The following GALNT13 variants were observed in gnomAD, a reference collection of about 807,000 sequenced individuals.
GALNT13 encodes the protein UDP-GalNAc:polypeptide N-acetylgalactosaminyltransferase 13.
A neutral mutation model predicts 64.2 loss-of-function variants in GALNT13; 28 were observed. The ratio of observed to expected loss-of-function variants is 0.44; its 90% CI spans 0.32 to 0.60. GALNT13 has a LOEUF of 0.60. Ranked by LOEUF, GALNT13 falls within the 20% of genes least tolerant of loss-of-function variation. The pLI is 0.05. For synonymous variants in GALNT13, 214 were observed against 224.6 expected (o/e 0.95, Z 0.42); for missense variants, 577 against 669.8 (o/e 0.86, Z 1.53).
chr2:153,937,373 G>C (rs1349179139), intron 2 of GALNT13, among the ~76,000 whole-genome samples: 1 of 152,120 alleles, frequency 6.6e-6, no homozygotes, highest in East Asian at 1.9e-4. Flanking sequence ...AATGAGAGAA[G>C]ACAGTCATGA....
At chr2:153,968,932 T>C (rs1168440168) in intron 3 of GALNT13, among the ~76,000 whole-genome samples, 3 of 148,522 alleles carry the variant, frequency 2.0e-5, no homozygotes, top group Non-Finnish European at 4.5e-5. Context: ...TAAATTACTT[T>C]AAAATCAGAA....
At position 154,396,171 on chromosome 2, in the gene GALNT13, G is replaced by C. The variant is rs772697796; in HGVS notation, c.1296+41G>C. The stretch of plus-strand genomic sequence containing the variant: ...TTTGGTTAAGTTATAAATATATTTT[G>C]CAAATGGAGCAATTTCTAAGGAGCT... On this transcript the variant is annotated intron_variant, in intron 10 of 12. Coordinates refer to ENST00000392825, the MANE Select transcript of GALNT13 (RefSeq NM_052917.4). 15 of 1,394,938 alleles carry C rather than the reference G, an allele frequency of 1.1e-5. No individual in the cohort carries two copies. The East Asian group carries it at 3.2e-4, about 30-fold the overall frequency. 86.4% of individuals were successfully genotyped at this position (1,394,938 alleles called of 1,614,324 possible).
the GALNT13 span, among the ~76,000 whole-genome samples, chr2:153,325,559 T>C: frequency 6.6e-6 from 1 of 152,192 alleles, no homozygotes; most frequent in East Asian, 1.9e-4. Context: ...CGTTTGCACT[T>C]GCTTTTGTGG....
rs188222874 is a variant in GALNT13 at position 154,153,260 on chromosome 2, G to A, written c.311+12755G>A. Reference sequence around the variant, plus strand: ...GCAGAACAGTGGATTTTCATGAACCGCGAATGCTGCTGTCTGATCATTCCT... The same window carrying A: ...GCAGAACAGTGGATTTTCATGAACCACGAATGCTGCTGTCTGATCATTCCT... On this transcript the variant is annotated intron_variant, in intron 4 of 12. Coordinates refer to ENST00000392825, the MANE Select transcript of GALNT13 (RefSeq NM_052917.4). Among the ~76,000 whole-genome samples, 738 of 151,908 alleles carry A rather than the reference G, an allele frequency of 4.9e-3. 6 individuals carry two copies. Among genetic ancestry groups the A allele is most frequent in the African/African-American group, 0.016 (682 of 41,378 alleles).
chr2:153,296,851 A>G, the GALNT13 span, among the ~76,000 whole-genome samples: 2 of 152,184 alleles, frequency 1.3e-5, no homozygotes, highest in Non-Finnish European at 2.9e-5. Flanking sequence ...TTTTTCTTTA[A>G]AAAAAATTCC....
chr2:153,446,082 A>C, the GALNT13 span, among the ~76,000 whole-genome samples: 1 of 152,202 alleles, frequency 6.6e-6, no homozygotes, highest in Non-Finnish European at 1.5e-5. Flanking sequence ...GTCTATATTA[A>C]AAAAGAATTA....
intron 3 of GALNT13, among the ~76,000 whole-genome samples, chr2:153,999,099 C>G (rs1164126264): frequency 6.6e-6 from 1 of 152,082 alleles, no homozygotes; most frequent in Non-Finnish European, 1.5e-5. Context: ...CAAGACAATC[C>G]TAAGCAAAAA....
intron 3 of GALNT13, among the ~76,000 whole-genome samples, chr2:154,042,542 A>C (rs2105329175): frequency 7.2e-6 from 1 of 138,816 alleles, no homozygotes; most frequent in East Asian, 2.0e-4. Context: ...TCCAGACAAT[A>C]TCATAATCTT....
At chr2:153,624,515 C>A in the GALNT13 span, among the ~76,000 whole-genome samples, 1 of 152,092 alleles carries the variant, frequency 6.6e-6, no homozygotes, top group East Asian at 1.9e-4. Flanking sequence ...GCCATAAAAA[C>A]AGCATGTCCC....
the GALNT13 span, among the ~76,000 whole-genome samples, chr2:153,535,361 C>A: frequency 1.3e-5 from 2 of 152,110 alleles, no homozygotes; most frequent in African/African-American, 4.8e-5. Context: ...TTATTTACTT[C>A]AAGAGTTAAG....
chr2:154,153,765 G>A (rs561208841), intron 4 of GALNT13, among the ~76,000 whole-genome samples: 3 of 152,178 alleles, frequency 2.0e-5, no homozygotes, highest in African/African-American at 4.8e-5. Context: ...CTGGTGTGCC[G>A]TTTTTTAAGC....
chr2:153,651,409 T>C, the GALNT13 span, among the ~76,000 whole-genome samples: 3 of 152,188 alleles, frequency 2.0e-5, no homozygotes, highest in African/African-American at 4.8e-5. Context: ...AACATTGTGA[T>C]TGAATGAACA....
the GALNT13 span, among the ~76,000 whole-genome samples, chr2:153,827,625 CAA>C: frequency 8.1e-3 from 731 of 90,444 alleles, 5 homozygotes; most frequent in African/African-American, 0.017. Context: ...GACTCCGTCC[CAA>C]AAAAAAAAAA....
At chr2:154,210,514 A>T (rs2105798790) in intron 4 of GALNT13, among the ~76,000 whole-genome samples, 1 of 152,302 alleles carries the variant, frequency 6.6e-6, no homozygotes, top group Middle Eastern at 3.4e-3. Context: ...AATGAAGGCC[A>T]ATGTACCTAC....
chr2:153,082,614 TATATACACACACACACACAC>T, the GALNT13 span, among the ~76,000 whole-genome samples: 118 of 31,286 alleles, frequency 3.8e-3, 1 homozygote, highest in Admixed American at 5.2e-3. Context: ...TATATATATA[TATATACACACACACACACAC>T]ACACACACAC....
chr2:154,313,710 C>T (rs1388875726), intron 9 of GALNT13, among the ~76,000 whole-genome samples: 5 of 152,036 alleles, frequency 3.3e-5, no homozygotes, highest in African/African-American at 7.2e-5. Flanking sequence ...ACCTTGGCCT[C>T]CCAAAGTGCT....
At chr2:153,662,236 G>C in the GALNT13 span, among the ~76,000 whole-genome samples, 1 of 152,066 alleles carries the variant, frequency 6.6e-6, no homozygotes, top group Non-Finnish European at 1.5e-5. Context: ...CTCCAAATTG[G>C]GATAACTCTA....
chr2:153,225,827 T>A, the GALNT13 span, among the ~76,000 whole-genome samples: 2 of 152,304 alleles, frequency 1.3e-5, no homozygotes, highest in South Asian at 2.1e-4. Flanking sequence ...ATAAAAGATC[T>A]AAATGAATGG....
At chr2:154,068,316 A>G (rs1162094752) in intron 3 of GALNT13, among the ~76,000 whole-genome samples, 2 of 151,992 alleles carry the variant, frequency 1.3e-5, no homozygotes, top group African/African-American at 4.8e-5. Context: ...ATTCTTCAAA[A>G]TACTAAAAAT....
Sources: gnomAD v4.1 joint callset for allele counts (sites outside exome capture counted in the v4.1 genomes callset) on GRCh38, gnomAD v4.1.1 for gene constraint, MANE v1.5 for transcripts, NCBI Gene and HGNC (gene_info 2026-07-23, HGNC 2026-07-21) for gene names.